ADNP: variants seen among roughly 807,000 people sequenced by gnomAD.
ADNP encodes the protein activity dependent neuroprotector homeobox, also known as activity-dependent neuroprotector homeobox protein.
A neutral mutation model predicts 84.9 loss-of-function variants in ADNP; 4 were observed. The observed-to-expected ratio is 0.05, with a 90% confidence interval of 0.02 to 0.11. The LOEUF is 0.11. Ranked by LOEUF, ADNP falls within the 10% of genes least tolerant of loss-of-function variation. The pLI is 1.00. For missense variants in ADNP, 1,132 were observed against 1,326.0 expected, an observed-to-expected ratio of 0.85 and a Z score of 2.27; for synonymous variants, 554 against 468.1, an observed-to-expected ratio of 1.18 and a Z score of -2.37.
intron 5 of ADNP, among the ~76,000 whole-genome samples, chr20:50,897,811 G>C (rs1339076598): frequency 1.3e-5 from 2 of 152,202 alleles, no homozygotes; most frequent in African/African-American, 4.8e-5. Context: ...ATAAGCAAAA[G>C]CTTGAAGGGT....
intron 2 of ADNP, among the ~76,000 whole-genome samples, chr20:50,912,715 T>C (rs956633361): frequency 2.6e-5 from 4 of 152,226 alleles, no homozygotes; most frequent in Admixed American, 6.5e-5. Context: ...AGAATTCTGA[T>C]AGTTTACTGA....
At position 50,925,798 on chromosome 20, in the gene ADNP, C is replaced by T. The variant is rs974953453; in HGVS notation, c.-90+2853G>A. The stretch of plus-strand genomic sequence containing the variant: ...CATTTACTCCAGTTACTATCACAAG[C>T]TCTTACAAAACTAGGAGAGGGGCTG... On this transcript the variant is annotated intron_variant, in intron 2 of 5. Transcript: ENST00000621696. Among the ~76,000 whole-genome samples, 4 of 152,180 alleles carry T rather than the reference C, an allele frequency of 2.6e-5. No individual in the cohort carries two copies. The East Asian group carries it at 7.7e-4, about 29-fold the overall frequency.
intron 2 of ADNP, chr20:50,905,671 C>G (rs1185832890): frequency 6.6e-6 from 1 of 152,158 alleles, no homozygotes; most frequent in Non-Finnish European, 1.5e-5. Context: ...AAAAAACCTT[C>G]TAGGCCTTAT....
At chr20:50,904,208 T>G in intron 3 of ADNP, 2 of 552,418 alleles carry the variant, frequency 3.6e-6, no homozygotes, top group East Asian at 6.2e-5. Flanking sequence ...TCCTTCCTTT[T>G]CTTAAGACAG....
chr20:50,911,423 A>G (rs563244256), intron 2 of ADNP, among the ~76,000 whole-genome samples: 9 of 152,144 alleles, frequency 5.9e-5, no homozygotes, highest in South Asian at 2.1e-4. Context: ...ATGGCAATCC[A>G]ATTTTCCTAC....
rs149322330 is a variant in ADNP, at chr20:50,924,736, A to T, written c.-90+3915T>A. On this transcript the variant is annotated intron_variant, in intron 2 of 5. Transcript: ENST00000621696. ...CAGTCACATGAGAAGTGACATATAA[A>T]CACAACCCACAGCTAAGTGACTCAA... 7.6e-3 allele frequency among the ~76,000 whole-genome samples: 1,164 copies of T among 152,306 alleles called. 16 individuals are homozygous for T. The highest frequency in any genetic ancestry group is 0.012 in the Non-Finnish European group (787 of 68,022).
At chr20:50,909,230 G>A (rs1397439494) in intron 2 of ADNP, among the ~76,000 whole-genome samples, 1 of 151,740 alleles carries the variant, frequency 6.6e-6, no homozygotes, top group Non-Finnish European at 1.5e-5. Flanking sequence ...TGGGCATGGT[G>A]GCACATGTCT....
In ADNP at chr20:50,893,060, A is replaced by G. The variant is rs1980970796; in HGVS notation, c.1654T>C (p.Leu552=). 6.2e-7 allele frequency: 1 copy of G among 1,614,122 alleles called. No homozygotes were observed. Among genetic ancestry groups the G allele is most frequent in the Non-Finnish European group, 8.5e-7 (1 of 1,180,058 alleles). Reference sequence around the variant, plus strand: ...GTGTGACTACCCTGCTGCAATGTCAAATCAAAACTCAAAGTAGAATCTGTT... The same window carrying G: ...GTGTGACTACCCTGCTGCAATGTCAGATCAAAACTCAAAGTAGAATCTGTT... The part of the protein sequence containing the change: ...PKTDSTLSFD[L]TLQQGSHTNI... Residue 552 remains leucine, a synonymous_variant, in exon 6 of 6, where the codon TTG becomes CTG. Coordinates refer to ENST00000621696, the MANE Select transcript of ADNP (RefSeq NM_001282531.3). The surrounding 1 kb of genome is among the most constrained non-coding windows in gnomAD (Gnocchi z 4.4).
At chr20:50,906,580 G>A (rs1317155032) in intron 2 of ADNP, among the ~76,000 whole-genome samples, 1 of 152,208 alleles carries the variant, frequency 6.6e-6, no homozygotes, top group Non-Finnish European at 1.5e-5. Flanking sequence ...CACCACTGGG[G>A]TCATTAGTCT....
intron 2 of ADNP, among the ~76,000 whole-genome samples, chr20:50,908,381 G>A (rs895544452): frequency 2.0e-5 from 3 of 152,062 alleles, no homozygotes; most frequent in African/African-American, 7.2e-5. Flanking sequence ...AATCATTATG[G>A]GTGATAAGAA....
chr20:50,930,440 C>A (rs1162634365), intron 1 of ADNP, among the ~76,000 whole-genome samples: 1 of 142,270 alleles, frequency 7.0e-6, no homozygotes, highest in East Asian at 2.2e-4. Context: ...CGTGGGGGGG[C>A]TCCTTTTGGG....
At chr20:50,918,572 A>T (rs937251747) in intron 2 of ADNP, among the ~76,000 whole-genome samples, 3 of 152,182 alleles carry the variant, frequency 2.0e-5, no homozygotes, top group African/African-American at 7.2e-5. Context: ...AGGATATTAT[A>T]TTACTTTTGG....
intron 2 of ADNP, among the ~76,000 whole-genome samples, chr20:50,917,694 A>G (rs1454225453): frequency 6.6e-6 from 1 of 152,200 alleles, no homozygotes; most frequent in Admixed American, 6.5e-5. Context: ...CTGGGAGAAC[A>G]GTAAAAGTCC....
intron 2 of ADNP, among the ~76,000 whole-genome samples, chr20:50,920,417 T>C (rs1983879312): frequency 6.6e-6 from 1 of 151,480 alleles, no homozygotes; most frequent in Non-Finnish European, 1.5e-5. Flanking sequence ...CCATCTCTAC[T>C]AAAAATACAA....
At chr20:50,920,262 C>CAAAAAAAA (rs56181933) in intron 2 of ADNP, among the ~76,000 whole-genome samples, 46 of 64,438 alleles carry the variant, frequency 7.1e-4, no homozygotes, top group Admixed American at 1.1e-3. Context: ...ATTCCACCTC[C>CAAAAAAAA]AAAAAAAAAA....
intron 1 of ADNP, among the ~76,000 whole-genome samples, chr20:50,930,293 G>A (rs1466602944): frequency 6.6e-6 from 1 of 152,114 alleles, no homozygotes; most frequent in Non-Finnish European, 1.5e-5. Flanking sequence ...GGCAGGTTGG[G>A]GAAGAAGGAT....
intron 2 of ADNP, among the ~76,000 whole-genome samples, chr20:50,922,745 A>G (rs1011557198): frequency 1.3e-5 from 2 of 151,826 alleles, no homozygotes; most frequent in African/African-American, 2.4e-5. Flanking sequence ...AAACCCAGCT[A>G]ATTTTTTTTG....
intron 2 of ADNP, among the ~76,000 whole-genome samples, chr20:50,925,481 A>G (rs1213275069): frequency 6.6e-6 from 1 of 152,200 alleles, no homozygotes; most frequent in Non-Finnish European, 1.5e-5. Context: ...ATGAAGGAAC[A>G]TAATCATCCT....
In ADNP at chr20:50,907,046, C is replaced by T. The variant is rs1600963836; in HGVS notation, c.-89-2197G>A. Among the ~76,000 whole-genome samples, 7 of 147,080 alleles carry T rather than the reference C, an allele frequency of 4.8e-5. 1 individual carries two copies. Among genetic ancestry groups the T allele is most frequent in the South Asian group, 2.2e-4 (1 of 4,634 alleles). Reference sequence around the variant, plus strand: ...GCAGTGTCACGATCTTGGCTCACTGCAAGCTCCGCCTCCCAGGTTCACACC... The same window carrying T: ...GCAGTGTCACGATCTTGGCTCACTGTAAGCTCCGCCTCCCAGGTTCACACC... On this transcript the variant is annotated intron_variant, in intron 2 of 5. Coordinates refer to ENST00000621696, the MANE Select transcript of ADNP (RefSeq NM_001282531.3).
Sources: gnomAD v4.1 joint callset for allele counts (sites outside exome capture counted in the v4.1 genomes callset) on GRCh38, gnomAD v4.1.1 for gene constraint, Gnocchi (gnomAD v3.1) non-coding constraint, MANE v1.5 for transcripts, NCBI Gene and HGNC (gene_info 2026-07-23, HGNC 2026-07-21) for gene names.